PITPNM1: variants seen among roughly 807,000 people sequenced by gnomAD.
PITPNM1 encodes the protein phosphatidylinositol transfer protein membrane associated 1, also known as membrane-associated phosphatidylinositol transfer protein 1.
In PITPNM1, 74 loss-of-function variants were observed where a neutral mutation model predicts 133.3. The observed-to-expected ratio is 0.56, with a 90% CI of 0.46 to 0.67. The LOEUF (loss-of-function observed/expected upper bound fraction) is 0.67. PITPNM1 is among the 30% of genes least tolerant of loss of function. The pLI is 0.00. For synonymous variants in PITPNM1, 738 were observed against 741.4 expected, an observed-to-expected ratio of 1.00 and a Z score of 0.08; for missense variants, 1,398 against 1,739.5, an observed-to-expected ratio of 0.80 and a Z score of 3.49.
chr11:67,502,018 A>G lies in PITPNM1; in HGVS notation c.484T>C (p.Tyr162His). ...CCTCGGCCCGTCTTGACCGAGTGAT[A>G]AAGCCGGGGGTCCTCTTCTGCTTTG... is the stretch of plus-strand genomic sequence containing the variant. ...EYKAEEDPRLYHSVKTGRGPL... is the reference protein window; with the variant it reads ...EYKAEEDPRLHHSVKTGRGPL... Residue 162 changes from tyrosine to histidine, a missense_variant, in exon 5 of 24, where the codon TAT becomes CAT. By Grantham distance (83) the Tyr-to-His change is moderately conservative (BLOSUM62 2). This residue lies in a region of PITPNM1 where 274 missense variants were observed against 360.7 expected (regional missense o/e 0.76). Transcript: ENST00000356404. The surrounding 1 kb of genome is among the most constrained non-coding windows in gnomAD (Gnocchi z 5.9). The G allele has an allele frequency of 1.2e-6, 2 of 1,613,426 alleles. No homozygotes were observed. The highest frequency in any genetic ancestry group is 1.7e-6 in the Non-Finnish European group (2 of 1,180,010).
rs759252908 is a variant in PITPNM1, at chr11:67,502,256, G to A, written c.415+36C>T. ...CACTGAGGCAGCCAGGAGCCTGAGA[G>A]GGGCGCCAGGGTCCCCCCATAGCTC... On this transcript the variant is annotated intron_variant, in intron 4 of 23. Transcript: ENST00000356404. The surrounding 1 kb of genome is among the most constrained non-coding windows in gnomAD (Gnocchi z 5.9). 4 of 1,602,818 alleles carry A rather than the reference G, an allele frequency of 2.5e-6. No individual in the cohort carries two copies. The highest frequency in any genetic ancestry group is 3.4e-6 in the Non-Finnish European group (4 of 1,174,628).
At position 67,502,505 on chromosome 11, in the gene PITPNM1, G is replaced by A. The variant is rs1315840748; in HGVS notation, c.292C>T (p.Arg98Trp). 4 of 1,613,734 alleles carry A rather than the reference G, an allele frequency of 2.5e-6. No individual in the cohort carries two copies. The highest frequency in any genetic ancestry group is 3.4e-6 in the Non-Finnish European group (4 of 1,179,990). The change falls in exon 3 of 24, where the codon CGG becomes TGG. Residue 98 changes from arginine (R) to tryptophan (W), a missense_variant and splice_region_variant. Around this residue, in one of 5 missense-constraint regions of PITPNM1, gnomAD observed 274 missense variants for 360.7 expected, o/e 0.76. Transcript: ENST00000356404. This position sits in a 1 kb window ranked among gnomAD's most constrained non-coding sequence, Gnocchi z 5.9. Reference protein sequence around the residue: ...SWNAYPYTRTRYTCPFVEKFS... With the variant: ...SWNAYPYTRTWYTCPFVEKFS... ...ACCATGCCCAGCTCACCCACTCACC[G>A]GGTTCGGGTGTAGGGGTAGGCATTC...
At position 67,502,635 on chromosome 11, in the gene PITPNM1, G is replaced by A. The variant is rs749838761; in HGVS notation, c.162C>T (p.Gly54=). Residue 54 remains glycine, a synonymous_variant, in exon 3 of 24, where the codon GGC becomes GGT. Coordinates refer to ENST00000356404, the MANE Select transcript of PITPNM1 (RefSeq NM_004910.3). The surrounding 1 kb of genome is among the most constrained non-coding windows in gnomAD (Gnocchi z 5.9). ...ACACCTTGTGTGTGTATTGCCCGCT[G>A]CCCCCGGGCCCATCCGTGTAGGGCC... ...ANRPYTDGPG[G]SGQYTHKVYH... 3.1e-6 allele frequency: 5 copies of A among 1,613,518 alleles called. No homozygotes were observed. The highest frequency in any genetic ancestry group is 1.3e-5 in the African/African-American group (1 of 75,070).
intron 5 of PITPNM1, among the ~76,000 whole-genome samples, chr11:67,501,443 C>T (rs1330381014): frequency 1.3e-5 from 2 of 152,116 alleles, no homozygotes; most frequent in Non-Finnish European, 2.9e-5. Flanking sequence ...ACACCAGGGC[C>T]AAAGGCTGGA....
chr11:67,501,311 C>T lies in PITPNM1; in HGVS notation c.640+551G>A, dbSNP rs567173881. 1.5e-4 allele frequency among the ~76,000 whole-genome samples: 23 copies of T among 152,330 alleles called. No individual in the cohort carries two copies. The South Asian group carries it at 4.8e-3, about 32-fold the overall frequency. ...GGTCAGTAGTGGGACAGAAGCCAGG[C>T]CGCTGGTCTCTCCAACTAGGGACCA... is the stretch of plus-strand genomic sequence containing the variant. On this transcript the variant is annotated intron_variant, in intron 5 of 23. Transcript: ENST00000356404.
chr11:67,494,636 C>T (rs1326593909), intron 18 of PITPNM1, among the ~76,000 whole-genome samples: 1 of 151,998 alleles, frequency 6.6e-6, no homozygotes, highest in African/African-American at 2.4e-5. Context: ...TAGACCCAAA[C>T]TTCCCGCAGA....
At chr11:67,500,662 C>A (rs1866296823) in intron 5 of PITPNM1, among the ~76,000 whole-genome samples, 1 of 152,250 alleles carries the variant, frequency 6.6e-6, no homozygotes, top group Admixed American at 6.5e-5. Context: ...ACTCTCAGCA[C>A]TGTCCCCACC....
At position 67,492,001 on chromosome 11, in the gene PITPNM1, A is replaced by G. The variant is rs1426780715; in HGVS notation, c.*32T>C. ...CCCCTCGGGCCCCTTGGGTGTGTCA[A>G]TAAATAACCCAGGTCCAGGCTGGTG... On this transcript the variant is annotated 3_prime_UTR_variant, in exon 24 of 24. Transcript: ENST00000356404. 1.9e-6 allele frequency: 3 copies of G among 1,600,812 alleles called. No homozygotes were observed. Among genetic ancestry groups the G allele is most frequent in the African/African-American group, 2.7e-5 (2 of 74,622 alleles).
In PITPNM1 at chr11:67,493,506, C is replaced by T. The variant is rs370705856; in HGVS notation, c.3246G>A (p.Gln1082=). ...QKHRVVAWLS[Q]HNFPHGVVSF... is the part of the protein sequence containing the mutation. ...AGACGACGCCGTGGGGGAAGTTGTG[C>T]TGCGACAGCCATGCCACCACGCGGT... is the stretch of plus-strand genomic sequence containing the variant. Residue 1082 remains glutamine (Q), a synonymous_variant, in exon 22 of 24, where the codon CAG becomes CAA. Coordinates refer to ENST00000356404, the MANE Select transcript of PITPNM1 (RefSeq NM_004910.3). 177 of 1,597,076 alleles carry T rather than the reference C, an allele frequency of 1.1e-4. No homozygotes were observed. In the East Asian group the frequency reaches 3.7e-3, roughly 34 times the overall value.
In PITPNM1 at chr11:67,494,333, C is replaced by G. The variant is rs770957924; in HGVS notation, c.2770G>C (p.Asp924His). 3 of 1,608,956 alleles carry G rather than the reference C, an allele frequency of 1.9e-6. No homozygotes were observed. The highest frequency in any genetic ancestry group is 1.3e-5 in the African/African-American group (1 of 74,906). The change falls in exon 19 of 24, where the codon GAC becomes CAC. Residue 924 changes from aspartate (D) to histidine (H), a missense_variant. By Grantham distance (81) the Asp-to-His change is moderately conservative (BLOSUM62 -1). Around this residue, in one of 5 missense-constraint regions of PITPNM1, gnomAD observed 233 missense variants for 378.0 expected, o/e 0.62. Coordinates refer to ENST00000356404, the MANE Select transcript of PITPNM1 (RefSeq NM_004910.3). ...GGGCGGCCCTCGCACACCACCGTGT[C>G]GCTCGCCCGGTGGTTGGAAGTGACG... ...RNVTSNHRAS[D>H]TVVCEGRPQV... is the part of the protein sequence containing the mutation.
rs766058979 is a variant in PITPNM1 at position 67,499,711 on chromosome 11, C to A, written c.1171+12G>T. 14 of 1,441,622 alleles carry A rather than the reference C, an allele frequency of 9.7e-6. No individual in the cohort carries two copies. In the South Asian group the frequency reaches 1.9e-4, roughly 20 times the overall value. 89.3% of individuals were successfully genotyped at this position (1,441,622 alleles called of 1,614,324 possible). ...GGGTGCTGGGGGCCGGTGTCCTAGG[C>A]GGTATCTTTACCTGGCGTTCCCTCT... On this transcript the variant is annotated intron_variant, in intron 8 of 23. Transcript: ENST00000356404.
chr11:67,500,177 TG>T lies in PITPNM1; in HGVS notation c.884del (p.Pro295GlnfsTer74). The T allele has an allele frequency of 6.3e-6, 10 of 1,598,592 alleles. No individual in the cohort carries two copies. The highest frequency in any genetic ancestry group is 3.4e-6 in the Non-Finnish European group (4 of 1,173,852). On this transcript the variant is annotated frameshift_variant, in exon 6 of 24. Transcript: ENST00000356404. LOFTEE classifies it high-confidence loss of function. ...TGGCATCGGGGGAGGCATCTGGGCC[TG>T]GGGGGGCCTCAGGCCCATCGGGGGT... ...TGTPDGPEAP[P>X]GPDASPDASF...
chr11:67,494,793 T>TGGGCGA (rs1866054519), intron 18 of PITPNM1, 53 bp downstream of exon 18: 48 of 337,252 alleles, frequency 1.4e-4, no homozygotes, highest in South Asian at 1.2e-3. Context: ...GCCTCTCTGG[T>TGGGCGA]GAGTGGGCGA....
rs766734840 is a variant in PITPNM1 at position 67,500,285 on chromosome 11, G to A, written c.777C>T (p.Cys259=). The A allele has an allele frequency of 6.8e-6, 11 of 1,610,288 alleles. No individual in the cohort carries two copies. The highest frequency in any genetic ancestry group is 8.5e-6 in the Non-Finnish European group (10 of 1,179,876). ...CCTCGGACCCCTCACTGCCTGTGTT[G>A]CACTTGGCCATGCGCTGGGCCAGCA... is the stretch of plus-strand genomic sequence containing the variant. ...ARMLAQRMAK[C]NTGSEGSEAQ... Residue 259 remains cysteine (C), a synonymous_variant, in exon 6 of 24, where the codon TGC becomes TGT. Transcript: ENST00000356404.
intron 19 of PITPNM1, 46 bp from the exon 20 acceptor site, chr11:67,494,116 G>A (rs1322450111): frequency 1.3e-6 from 2 of 1,595,756 alleles, no homozygotes; most frequent in South Asian, 2.2e-5. Flanking sequence ...CCTGCGTGGA[G>A]GTGGGCAGAG....
intron 17 of PITPNM1, 44 bp from the exon 18 acceptor site, chr11:67,495,000 A>G (rs1276187408): frequency 6.2e-7 from 1 of 1,600,136 alleles, no homozygotes; most frequent in Non-Finnish European, 8.5e-7. Context: ...TAGGGGAGGG[A>G]GGGCTGCCCC....
rs539701907 is a variant in PITPNM1 at position 67,492,311 on chromosome 11, A to C, written c.3472-15T>G. ...TCTGACAGGAACTGTGGGCAGAGGTAGGCAGCGATGAGGGGGTGCTGGCCA... is the reference window on the plus strand; with the variant it reads ...TCTGACAGGAACTGTGGGCAGAGGTCGGCAGCGATGAGGGGGTGCTGGCCA... On this transcript the variant is annotated splice_polypyrimidine_tract_variant and intron_variant, in intron 23 of 23. Coordinates refer to ENST00000356404, the MANE Select transcript of PITPNM1 (RefSeq NM_004910.3). 37 of 1,541,678 alleles carry C rather than the reference A, an allele frequency of 2.4e-5. 1 individual carries two copies. The African/African-American group carries it at 4.0e-4, about 17-fold the overall frequency.
chr11:67,494,510 CT>C (rs954449820), intron 18 of PITPNM1, 150 bp from the exon 19 acceptor site: 1 of 627,552 alleles, frequency 1.6e-6, no homozygotes, highest in South Asian at 2.0e-5. Context: ...GGGGGGCGCA[CT>C]TTTGTGGACC....
chr11:67,505,908 C>T (rs573923217), upstream of PITPNM1, among the ~76,000 whole-genome samples: 4 of 152,340 alleles, frequency 2.6e-5, no homozygotes, highest in African/African-American at 9.6e-5. The surrounding 1 kb of genome is among the most constrained non-coding windows in gnomAD (Gnocchi z 5.8). Context: ...CTCTGCCTTC[C>T]GGGTCCACAA....
Sources: allele counts gnomAD v4.1 joint callset (sites outside exome capture counted in the v4.1 genomes callset), GRCh38; gene constraint gnomAD v4.1.1; regional missense constraint gnomAD v4.1.1; non-coding constraint Gnocchi (gnomAD v3.1); transcripts MANE v1.5; gene names NCBI Gene and HGNC (gene_info 2026-07-23, HGNC 2026-07-21).